PBK: variants seen among roughly 807,000 people sequenced by gnomAD.
PBK encodes PDZ binding kinase, also known as lymphokine-activated killer T-cell-originated protein kinase.
In PBK, 22 loss-of-function variants were observed where a neutral mutation model predicts 33.5. That is an observed-to-expected ratio of 0.66 (90% CI 0.47 to 0.94). The LOEUF (loss-of-function observed/expected upper bound fraction) is 0.94, where lower values mean the gene tolerates loss of function less well. Ranked by LOEUF, PBK falls within the 40% of genes least tolerant of loss-of-function variation. The pLI, the probability that PBK is intolerant of heterozygous loss-of-function variation, is 0.00. For synonymous variants in PBK, 129 were observed against 123.8 expected (o/e 1.04, Z -0.28); for missense variants, 376 against 383.4 (o/e 0.98, Z 0.16).
chr8:27,829,652 G>A (rs1034896188), intron 2 of PBK, among the ~76,000 whole-genome samples: 2 of 152,000 alleles, frequency 1.3e-5, no homozygotes, highest in Non-Finnish European at 2.9e-5. Flanking sequence ...CAGATCACTA[G>A]GTCAGGAGTT....
chr8:27,823,146 T>TTACA lies in PBK; in HGVS notation c.208_211dup (p.Asn71MetfsTer2). 6.4e-7 allele frequency: 1 copy of TTACA among 1,556,668 alleles called. No homozygotes were observed. The highest frequency in any genetic ancestry group is 1.7e-5 in the Admixed American group (1 of 59,450). On this transcript the variant is annotated stop_gained and frameshift_variant, in exon 4 of 8. Transcript: ENST00000301905. LOFTEE classifies it high-confidence loss of function. ...TTGATACACACTTCGATAATGATCA[T>TTACA]TACATATAGGATTAATCTTTTTTAC...
intron 6 of PBK, chr8:27,812,580 G>A (rs1293980410): frequency 2.7e-5 from 4 of 149,732 alleles, no homozygotes; most frequent in African/African-American, 9.9e-5. Flanking sequence ...ATCTGACAAA[G>A]GGCTAATATC....
intron 2 of PBK, among the ~76,000 whole-genome samples, chr8:27,831,528 A>G (rs1049883831): frequency 6.6e-6 from 1 of 152,174 alleles, no homozygotes; most frequent in African/African-American, 2.4e-5. Flanking sequence ...AGTATACAGA[A>G]TATCATTGAC....
chr8:27,820,839 TTTA>T, intron 5 of PBK, 145 bp from the exon 6 acceptor site: 15 of 500,900 alleles, frequency 3.0e-5, no homozygotes, highest in South Asian at 6.1e-5. Flanking sequence ...TTTTTTTTTT[TTTA>T]AAACGGAGTC....
At chr8:27,819,324 ATTCAACTTAAC>A (rs1414063172) in intron 6 of PBK, among the ~76,000 whole-genome samples, 1 of 122,152 alleles carries the variant, frequency 8.2e-6, no homozygotes, top group Admixed American at 9.0e-5. Flanking sequence ...TCAGTTGAAT[ATTCAACTTAAC>A]TTCATAAAAG....
At chr8:27,836,206 G>A (rs921391271) in intron 1 of PBK, among the ~76,000 whole-genome samples, 2 of 152,068 alleles carry the variant, frequency 1.3e-5, no homozygotes, top group Admixed American at 6.6e-5. Context: ...TCCAGAGAGA[G>A]GACAAGAAAT....
intron 6 of PBK, among the ~76,000 whole-genome samples, chr8:27,817,841 T>G (rs1017444795): frequency 6.6e-6 from 1 of 152,204 alleles, no homozygotes. Context: ...ACTGCAAGAC[T>G]TTCTAGAGCA....
intron 6 of PBK, chr8:27,812,515 C>T (rs1472699201): frequency 6.6e-6 from 1 of 151,702 alleles, no homozygotes; most frequent in African/African-American, 2.4e-5. Context: ...AAAGAAAGTA[C>T]CATCAAAGTG....
In PBK at chr8:27,810,461, G is replaced by C. The variant is rs1181790703; in HGVS notation, c.813C>G (p.Tyr271Ter). Residue 271 changes from tyrosine (Y) to a stop codon, truncating the protein, a stop_gained, in exon 8 of 8, where the codon TAC becomes TAG. Transcript: ENST00000301905. LOFTEE classifies it high-confidence loss of function. Reference protein sequence around the residue: ...FDESDFDDEAYYAALGTRPPI... With the variant: ...FDESDFDDEA Reference sequence around the variant, plus strand: ...GTGGCCTAGTTCCCAACGCTGCATAGTATGCTTCATCATCAAAATCACTTT... The same window carrying C: ...GTGGCCTAGTTCCCAACGCTGCATACTATGCTTCATCATCAAAATCACTTT... The C allele has an allele frequency of 1.9e-6, 3 of 1,606,406 alleles. No individual in the cohort carries two copies. The highest frequency in any genetic ancestry group is 2.2e-5 in the South Asian group (2 of 90,444).
At chr8:27,825,580 G>T (rs1341058428) in intron 3 of PBK, among the ~76,000 whole-genome samples, 4 of 152,088 alleles carry the variant, frequency 2.6e-5, no homozygotes, top group Non-Finnish European at 2.9e-5. Flanking sequence ...TTAGCCTGAG[G>T]TTTACTGTCA....
At chr8:27,829,371 A>G (rs555940841) in intron 2 of PBK, among the ~76,000 whole-genome samples, 29 of 152,356 alleles carry the variant, frequency 1.9e-4, no homozygotes, top group African/African-American at 6.3e-4. Flanking sequence ...AGCCCCAGAT[A>G]AACATTCAAA....
chr8:27,810,222 T>A lies in PBK; in HGVS notation c.*83A>T. ...GTCCTCAAATATGCCAATTTTAGAG[T>A]CTAATAACTACTGATAGTAACTATG... On this transcript the variant is annotated 3_prime_UTR_variant, in exon 8 of 8. Transcript: ENST00000301905. The A allele has an allele frequency of 1.1e-6, 1 of 908,332 alleles. No homozygotes were observed. The highest frequency in any genetic ancestry group is 1.7e-5 in the African/African-American group (1 of 59,380). 56.3% of individuals were successfully genotyped at this position (908,332 alleles called of 1,614,324 possible).
At chr8:27,829,891 T>C (rs1806095342) in intron 2 of PBK, among the ~76,000 whole-genome samples, 1 of 143,330 alleles carries the variant, frequency 7.0e-6, no homozygotes. Context: ...AATCAATCAA[T>C]CAATAGAAAC....
At position 27,811,448 on chromosome 8, in the gene PBK, CAT is replaced by C. The variant is rs201475002; in HGVS notation, c.596-316_596-315del. Reference sequence around the variant, plus strand: ...TGCCTTGCTTGGGTTGGTTCAAAGACATGTGTGTGCAAGCTGCGTGACCTTGA... The same window carrying C: ...TGCCTTGCTTGGGTTGGTTCAAAGACGTGTGTGCAAGCTGCGTGACCTTGA... On this transcript the variant is annotated intron_variant, in intron 6 of 7. Transcript: ENST00000301905. 2,232 of 469,922 alleles carry C rather than the reference CAT, an allele frequency of 4.7e-3. 24 individuals are homozygous for C. Among genetic ancestry groups the C allele is most frequent in the African/African-American group, 0.035 (1,778 of 51,168 alleles). 29.1% of individuals were successfully genotyped at this position (469,922 alleles called of 1,614,324 possible). A position where few individuals can be genotyped will look rare whatever the true frequency, so the allele number is the denominator to read the frequency against.
intron 2 of PBK, among the ~76,000 whole-genome samples, chr8:27,831,221 T>TG (rs980247796): frequency 5.3e-5 from 8 of 151,882 alleles, no homozygotes; most frequent in African/African-American, 1.9e-4. Flanking sequence ...GCCATGGTGG[T>TG]GCACGCCTGT....
Position 27,809,987 on chromosome 8 carries a change from C to A in PBK, c.*318G>T. 2 of 268,146 alleles carry A rather than the reference C, an allele frequency of 7.5e-6. No homozygotes were observed. The highest frequency in any genetic ancestry group is 1.4e-5 in the Non-Finnish European group (2 of 142,716). 16.6% of individuals were successfully genotyped at this position (268,146 alleles called of 1,614,324 possible). ...AAAATATAGAATATTTAAGAAAGATCATTAATAAAAGTAATGGTCATTCAA... is the reference window on the plus strand; with the variant it reads ...AAAATATAGAATATTTAAGAAAGATAATTAATAAAAGTAATGGTCATTCAA... On this transcript the variant is annotated 3_prime_UTR_variant, in exon 8 of 8. Transcript: ENST00000301905.
At chr8:27,813,905 AT>A (rs202164867) in intron 6 of PBK, among the ~76,000 whole-genome samples, 19 of 150,702 alleles carry the variant, frequency 1.3e-4, no homozygotes, top group Admixed American at 2.0e-4. Context: ...TTGGACTATG[AT>A]TTTTTTTTCT....
At chr8:27,823,327 A>G (rs1805966852) in intron 3 of PBK, 122 bp from the exon 4 acceptor site, 1 of 627,116 alleles carries the variant, frequency 1.6e-6, no homozygotes, top group Admixed American at 3.2e-5. Context: ...AGAATTTAAA[A>G]TAGTTTGGAC....
At position 27,810,509 on chromosome 8, in the gene PBK, G is replaced by GAGTT. The variant is rs1229464993; in HGVS notation, c.773-12_773-9dup. 1.9e-6 allele frequency: 3 copies of GAGTT among 1,560,026 alleles called. No individual in the cohort carries two copies. The highest frequency in any genetic ancestry group is 1.1e-5 in the South Asian group (1 of 88,744). Reference sequence around the variant, plus strand: ...TTTCATCAAAAGTTTTATCTTGAAGGAGTTAGAGATTGAAACAATAAACAA... The same window carrying GAGTT: ...TTTCATCAAAAGTTTTATCTTGAAGGAGTTAGTTAGAGATTGAAACAATAAACAA... On this transcript the variant is annotated splice_polypyrimidine_tract_variant and intron_variant, in intron 7 of 7. Coordinates refer to ENST00000301905, the MANE Select transcript of PBK (RefSeq NM_018492.4).
Sources: allele counts gnomAD v4.1 joint callset (sites outside exome capture counted in the v4.1 genomes callset), GRCh38; gene constraint gnomAD v4.1.1; transcripts MANE v1.5; gene names NCBI Gene and HGNC (gene_info 2026-07-23, HGNC 2026-07-21).